The following SPECC1 variants were observed in gnomAD, a reference collection of about 807,000 sequenced individuals.
The protein encoded by SPECC1 is cytospin-B.
In SPECC1, 62 loss-of-function variants were observed where a neutral mutation model predicts 104.1. The ratio of observed to expected loss-of-function variants is 0.60; its 90% CI spans 0.49 to 0.74. SPECC1 has a LOEUF of 0.74. SPECC1 is among the 30% of genes least tolerant of loss of function. The pLI, the probability that SPECC1 is intolerant of heterozygous loss-of-function variation, is 0.00. For missense variants in SPECC1, 1,306 were observed against 1,310.5 expected (o/e 1.00, Z 0.05); for synonymous variants, 513 against 501.6 (o/e 1.02, Z -0.30).
chr17:20,037,137 C>T (rs778792766), intron 1 of SPECC1, among the ~76,000 whole-genome samples: 5 of 152,070 alleles, frequency 3.3e-5, no homozygotes, highest in African/African-American at 7.2e-5. Flanking sequence ...ACCAGACTTG[C>T]GTTTCTGGAA....
At chr17:20,152,191 T>C (rs986409964) in intron 3 of SPECC1, among the ~76,000 whole-genome samples, 21 of 152,216 alleles carry the variant, frequency 1.4e-4, no homozygotes, top group African/African-American at 5.1e-4. Context: ...TCCCAGCTAC[T>C]TGGGAGGCTG....
chr17:20,123,281 T>C (rs1005746558), intron 3 of SPECC1, among the ~76,000 whole-genome samples: 1 of 152,232 alleles, frequency 6.6e-6, no homozygotes. Context: ...TAAACTGATA[T>C]CAGTGTTTTC....
intron 3 of SPECC1, among the ~76,000 whole-genome samples, chr17:20,124,213 G>GAA (rs1279692377): frequency 6.6e-6 from 1 of 152,148 alleles, no homozygotes; most frequent in Non-Finnish European, 1.5e-5. Context: ...GTGAACTGCA[G>GAA]AAATGGAAGG....
intron 3 of SPECC1, among the ~76,000 whole-genome samples, chr17:20,199,875 C>T (rs1427677457): frequency 2.6e-5 from 4 of 152,126 alleles, no homozygotes; most frequent in African/African-American, 4.8e-5. Flanking sequence ...CTGCAACCTC[C>T]GCCTCCCGGC....
chr17:20,029,255 T>A (rs1422660933), intron 1 of SPECC1, among the ~76,000 whole-genome samples: 1 of 152,214 alleles, frequency 6.6e-6, no homozygotes, highest in African/African-American at 2.4e-5. Context: ...TTTTGAGTGT[T>A]TTTATTCTTT....
intron 1 of SPECC1, among the ~76,000 whole-genome samples, chr17:20,074,301 G>T (rs73984568): frequency 0.12 from 18,648 of 152,206 alleles, 1,138 homozygotes; most frequent in Non-Finnish European, 0.13. Context: ...GGTCTGAAAT[G>T]AGATGTTTGT....
intron 1 of SPECC1, among the ~76,000 whole-genome samples, chr17:20,081,248 G>A (rs1424602899): frequency 1.3e-5 from 2 of 152,150 alleles, no homozygotes; most frequent in African/African-American, 2.4e-5. Flanking sequence ...GGTGGTGTTT[G>A]GTTTTGTCCA....
At chr17:20,108,738 T>C (rs1041025163) in intron 2 of SPECC1, among the ~76,000 whole-genome samples, 5 of 152,212 alleles carry the variant, frequency 3.3e-5, no homozygotes, top group African/African-American at 1.2e-4. Flanking sequence ...GTTCTAGTTT[T>C]GGGCTGCTAT....
intron 1 of SPECC1, among the ~76,000 whole-genome samples, chr17:20,012,337 G>C (rs921760382): frequency 6.6e-6 from 1 of 151,918 alleles, no homozygotes; most frequent in African/African-American, 2.4e-5. Context: ...TGTTGATATG[G>C]AGAGTTGTAT....
intron 7 of SPECC1, among the ~76,000 whole-genome samples, chr17:20,240,060 ATTTTTTTTTTTTT>A (rs748689632): frequency 2.0e-3 from 64 of 32,204 alleles, no homozygotes; most frequent in African/African-American, 5.1e-3. Context: ...TGTCCAGCTA[ATTTTTTTTTTTTT>A]TTTTTTTTTT....
chr17:20,123,460 A>C (rs1476917894), intron 3 of SPECC1, among the ~76,000 whole-genome samples: 1 of 152,212 alleles, frequency 6.6e-6, no homozygotes, highest in Admixed American at 6.5e-5. Context: ...GCATGCTCCC[A>C]GTTACCTGCA....
Position 20,283,939 on chromosome 17 carries a change from A to T in SPECC1, c.2941-13022A>T, listed in dbSNP as rs149029640. On this transcript the variant is annotated intron_variant, in intron 12 of 14. Transcript: ENST00000395527. ...ATTTTGAGTATTAGTCGTTTGCTAT[A>T]CATATATTGGTTTTAATTTTGTCAT... 9.9e-5 allele frequency among the ~76,000 whole-genome samples: 15 copies of T among 152,260 alleles called. No individual in the cohort carries two copies. The East Asian group carries it at 2.7e-3, about 27-fold the overall frequency.
At chr17:20,121,982 G>A (rs1301555476) in intron 3 of SPECC1, among the ~76,000 whole-genome samples, 10 of 152,220 alleles carry the variant, frequency 6.6e-5, no homozygotes, top group African/African-American at 2.4e-4. Context: ...CTATATGAGT[G>A]AGCAGGACAA....
At chr17:20,275,710 A>T (rs1479411964) in intron 12 of SPECC1, among the ~76,000 whole-genome samples, 1 of 152,164 alleles carries the variant, frequency 6.6e-6, no homozygotes, top group African/African-American at 2.4e-5. Context: ...AGTTGCATAG[A>T]GGTAAGGCTA....
chr17:20,111,943 C>T (rs1373621865), intron 3 of SPECC1: 3 of 792,956 alleles, frequency 3.8e-6, no homozygotes, highest in African/African-American at 1.7e-5. Context: ...TAAAAGCCAC[C>T]AGTGTGTATA....
At chr17:20,107,888 A>G (rs2048311618) in intron 2 of SPECC1, among the ~76,000 whole-genome samples, 1 of 152,092 alleles carries the variant, frequency 6.6e-6, no homozygotes, top group South Asian at 2.1e-4. Context: ...TTGTGCACCT[A>G]TAGTCCTAGC....
At chr17:20,275,371 T>C (rs2040542237) in intron 12 of SPECC1, among the ~76,000 whole-genome samples, 1 of 152,226 alleles carries the variant, frequency 6.6e-6, no homozygotes, top group South Asian at 2.1e-4. Flanking sequence ...GTTTTTGTTT[T>C]TGTTATGATG....
At chr17:20,041,815 C>T (rs28830504) in intron 1 of SPECC1, among the ~76,000 whole-genome samples, 10,455 of 151,200 alleles carry the variant, frequency 0.069, 989 homozygotes, top group African/African-American at 0.21. Context: ...TTAGTAGAGA[C>T]GGGGTTTCAC....
intron 11 of SPECC1, 36 bp from the exon 12 acceptor site, chr17:20,260,156 A>G: frequency 1.3e-6 from 2 of 1,540,168 alleles, no homozygotes; most frequent in Non-Finnish European, 1.8e-6. Context: ...AAGTATTAGC[A>G]TCTTCTCCTT....
Sources: allele counts gnomAD v4.1 joint callset (sites outside exome capture counted in the v4.1 genomes callset), GRCh38; gene constraint gnomAD v4.1.1; transcripts MANE v1.5; gene names NCBI Gene and HGNC (gene_info 2026-07-23, HGNC 2026-07-21).